Variants in CD1B observed in about 807,000 individuals in gnomAD.
The protein encoded by CD1B is T-cell surface glycoprotein CD1b.
In CD1B, 43 loss-of-function variants were observed where a neutral mutation model predicts 39.8. That is an observed-to-expected ratio of 1.08 (90% CI 0.85 to 1.39). The LOEUF (loss-of-function observed/expected upper bound fraction) is 1.39, where lower values mean the gene tolerates loss of function less well. CD1B is among the 40% of genes most tolerant of loss of function. CD1B has a pLI of 0.00. For missense variants in CD1B, 495 were observed against 403.8 expected, an observed-to-expected ratio of 1.23 and a Z score of -1.94; for synonymous variants, 192 against 152.5, an observed-to-expected ratio of 1.26 and a Z score of -1.91.
At chr1:158,299,083 G>T in the CD1B span, among the ~76,000 whole-genome samples, 1 of 152,142 alleles carries the variant, frequency 6.6e-6, no homozygotes, top group African/African-American at 2.4e-5. Flanking sequence ...GGGCATCCTT[G>T]TCTTGTGCCA....
At chr1:158,302,205 A>G in the CD1B span, among the ~76,000 whole-genome samples, 8 of 152,362 alleles carry the variant, frequency 5.3e-5, no homozygotes, top group Middle Eastern at 0.01. Flanking sequence ...TTTTGGGTAA[A>G]CAACGAAGTC....
chr1:158,301,464 C>A, the CD1B span, among the ~76,000 whole-genome samples: 1 of 152,056 alleles, frequency 6.6e-6, no homozygotes, highest in Admixed American at 6.5e-5. Flanking sequence ...CCTTCAGGAG[C>A]TCTTGTAAGG....
the CD1B span, chr1:158,293,060 T>A: frequency 1.2e-6 from 1 of 865,934 alleles, no homozygotes; most frequent in Non-Finnish European, 1.8e-6. Context: ...AAATGAGGAA[T>A]CCTTCCTTGA....
chr1:158,312,574 C>T, the CD1B span, among the ~76,000 whole-genome samples: 2 of 152,062 alleles, frequency 1.3e-5, no homozygotes, highest in South Asian at 2.1e-4. Context: ...TTTTTACCTC[C>T]TTTGTTACAT....
the CD1B span, among the ~76,000 whole-genome samples, chr1:158,290,793 T>A: frequency 6.6e-6 from 1 of 152,196 alleles, no homozygotes; most frequent in Non-Finnish European, 1.5e-5. Context: ...TAGTTTCCGC[T>A]GCTAGTTCTT....
chr1:158,330,795 C>T lies in CD1B; in HGVS notation c.328+1G>A, dbSNP rs770352396. On this transcript the variant is annotated splice_donor_variant, in intron 2 of 5. Transcript: ENST00000368168. LOFTEE classifies it high-confidence loss of function. ...TTCCCAGTTCGGTGGACTAGACTCA[C>T]ATTTCATCTGGAAATCACCGGCAAA... The T allele has an allele frequency of 3.1e-6, 5 of 1,614,126 alleles. No homozygotes were observed. Among genetic ancestry groups the T allele is most frequent in the Non-Finnish European group, 3.4e-6 (4 of 1,179,980 alleles).
chr1:158,324,559 A>T (rs919643781), downstream of CD1B, among the ~76,000 whole-genome samples: 1 of 152,232 alleles, frequency 6.6e-6, no homozygotes, highest in Non-Finnish European at 1.5e-5. Context: ...AGAGAAGTAG[A>T]AGTGAGACTG....
chr1:158,328,071 G>T lies in CD1B; in HGVS notation c.*165C>A. 1.7e-6 allele frequency: 1 copy of T among 597,032 alleles called. No individual in the cohort carries two copies. The allele number at this position is 597,032 out of a possible 1,614,324, so 37.0% of individuals were successfully genotyped here. On this transcript the variant is annotated 3_prime_UTR_variant, in exon 6 of 6. Transcript: ENST00000368168. ...TCTCATAATAAATTTACAGTTTTAA[G>T]TACTTTTTTGCTGATGTTTAAATAA...
chr1:158,328,326 T>A, intron 5 of CD1B, 69 bp from the exon 6 acceptor site: 2 of 1,282,750 alleles, frequency 1.6e-6, no homozygotes, highest in Non-Finnish European at 2.2e-6. Flanking sequence ...CATAGTAATA[T>A]TATTCATGAT....
At chr1:158,303,216 G>A in the CD1B span, among the ~76,000 whole-genome samples, 2 of 152,110 alleles carry the variant, frequency 1.3e-5, no homozygotes, top group Admixed American at 6.6e-5. Flanking sequence ...ACAGTCTTTT[G>A]ATAAAATTCC....
At chr1:158,326,948 C>T (rs1211669224), downstream of CD1B, among the ~76,000 whole-genome samples, 1 of 152,100 alleles carries the variant, frequency 6.6e-6, no homozygotes, top group Non-Finnish European at 1.5e-5. Flanking sequence ...AGCCATGCAC[C>T]ACCATGCCCG....
chr1:158,319,617 T>C, the CD1B span, among the ~76,000 whole-genome samples: 2 of 152,106 alleles, frequency 1.3e-5, no homozygotes, highest in African/African-American at 4.8e-5. Flanking sequence ...AATGTCCTCC[T>C]GTAGCTCAGA....
At position 158,328,170 on chromosome 1, in the gene CD1B, CT is replaced by C; in HGVS notation, c.*65del. ...ATCATTTGAAATATGATAAGATTGACTTTTGGGCTGATATCTTGGGCTTCTT... is the reference window on the plus strand; with the variant it reads ...ATCATTTGAAATATGATAAGATTGACTTTGGGCTGATATCTTGGGCTTCTT... On this transcript the variant is annotated 3_prime_UTR_variant, in exon 6 of 6. Transcript: ENST00000368168. 1 of 1,198,684 alleles carries C rather than the reference CT, an allele frequency of 8.3e-7. No homozygotes were observed. The highest frequency in any genetic ancestry group is 1.2e-6 in the Non-Finnish European group (1 of 816,100). 74.3% of individuals were successfully genotyped at this position (1,198,684 alleles called of 1,614,324 possible).
intron 3 of CD1B, 77 bp downstream of exon 3, chr1:158,329,775 A>C (rs1652510263): frequency 1.9e-6 from 3 of 1,556,852 alleles, no homozygotes; most frequent in Non-Finnish European, 2.6e-6. Context: ...CTTGTTATTT[A>C]AGCTCCTATC....
At chr1:158,311,971 C>A in the CD1B span, among the ~76,000 whole-genome samples, 1 of 151,944 alleles carries the variant, frequency 6.6e-6, no homozygotes, top group Non-Finnish European at 1.5e-5. Context: ...ATTACTTTGG[C>A]TTTTGGGGTC....
downstream of CD1B, among the ~76,000 whole-genome samples, chr1:158,325,569 T>A (rs571117357): frequency 2.8e-4 from 43 of 152,280 alleles, no homozygotes; most frequent in Non-Finnish European, 4.4e-5. Context: ...AGTTTATAAA[T>A]ATTTTAATTA....
chr1:158,313,562 G>C, the CD1B span, among the ~76,000 whole-genome samples: 1 of 152,016 alleles, frequency 6.6e-6, no homozygotes, highest in Admixed American at 6.6e-5. Context: ...CACCCTCCTT[G>C]GCTTCCCAAA....
chr1:158,330,114 CT>C lies in CD1B; in HGVS notation c.344del (p.Gln115ArgfsTer3). The C allele has an allele frequency of 2.5e-6, 4 of 1,613,126 alleles. No homozygotes were observed. The highest frequency in any genetic ancestry group is 3.4e-6 in the Non-Finnish European group (4 of 1,179,566). On this transcript the variant is annotated frameshift_variant, in exon 3 of 6. Coordinates refer to ENST00000368168, the MANE Select transcript of CD1B (RefSeq NM_001764.3). LOFTEE classifies it high-confidence loss of function. ...AATGTAGCTCACAGCCTGCTATGCC[CT>C]GGATCTCAAAGGGGTCTATGTAGAG... ...DFQMKYPFEI[Q>X]GIAGCELHSG... is the part of the protein sequence containing the mutation.
the CD1B span, among the ~76,000 whole-genome samples, chr1:158,318,677 T>C: frequency 0.012 from 1,877 of 152,310 alleles, 38 homozygotes; most frequent in African/African-American, 0.04. Context: ...AAAGTTAATA[T>C]TGTTATGTGT....
Sources: allele counts gnomAD v4.1 joint callset (sites outside exome capture counted in the v4.1 genomes callset), GRCh38; gene constraint gnomAD v4.1.1; transcripts MANE v1.5; gene names NCBI Gene and HGNC (gene_info 2026-07-23, HGNC 2026-07-21).